ZCCHC14: variants seen among roughly 807,000 people sequenced by gnomAD.
ZCCHC14 encodes the protein zinc finger CCHC-type containing 14, also known as zinc finger CCHC domain-containing protein 14.
In ZCCHC14, 16 loss-of-function variants were observed where a neutral mutation model predicts 85.0. The observed-to-expected ratio is 0.19, with a 90% CI of 0.13 to 0.29. The LOEUF (loss-of-function observed/expected upper bound fraction) is 0.29, where lower values mean the gene tolerates loss of function less well. Among genes scored for constraint, ZCCHC14 ranks in the 10% least tolerant of loss-of-function variants. The probability of loss-of-function intolerance (pLI) is 1.00; values close to 1 mark genes in which losing one functional copy is unlikely to be tolerated. For synonymous variants in ZCCHC14, 775 were observed against 630.7 expected, an observed-to-expected ratio of 1.23 and a Z score of -3.43; for missense variants, 1,303 against 1,443.5, an observed-to-expected ratio of 0.90 and a Z score of 1.58.
At chr16:87,481,529 G>GGGT (rs1912268448) in intron 1 of ZCCHC14, among the ~76,000 whole-genome samples, 2 of 20,558 alleles carry the variant, frequency 9.7e-5, no homozygotes, top group Admixed American at 2.9e-4. Flanking sequence ...AGAGAAACGG[G>GGGT]GGGGGGGGGG....
chr16:87,479,178 A>G (rs1279555683), intron 1 of ZCCHC14, among the ~76,000 whole-genome samples: 1 of 152,056 alleles, frequency 6.6e-6, no homozygotes, highest in Non-Finnish European at 1.5e-5. Context: ...GCACCGTGGG[A>G]GGCTGAGGCG....
chr16:87,435,870 T>C (rs1269261918), intron 2 of ZCCHC14, among the ~76,000 whole-genome samples: 1 of 152,286 alleles, frequency 6.6e-6, no homozygotes, highest in Non-Finnish European at 1.5e-5. Flanking sequence ...GCCCTGCTGA[T>C]GTTCACTTAG....
intron 2 of ZCCHC14, among the ~76,000 whole-genome samples, chr16:87,458,945 G>A (rs932931736): frequency 2.0e-5 from 3 of 152,120 alleles, no homozygotes; most frequent in African/African-American, 7.2e-5. Context: ...AACCACACAA[G>A]CATTTATTTT....
chr16:87,416,705 G>A (rs1292067651), intron 8 of ZCCHC14, among the ~76,000 whole-genome samples: 2 of 152,086 alleles, frequency 1.3e-5, no homozygotes, highest in African/African-American at 4.8e-5. Context: ...GCAGGGAGCC[G>A]AGACCATACC....
At chr16:87,473,869 G>A (rs558634272) in intron 1 of ZCCHC14, 1 of 152,090 alleles carries the variant, frequency 6.6e-6, no homozygotes, top group Non-Finnish European at 1.5e-5. Context: ...GGTCCAGAAA[G>A]TGTCAGTAAA....
At chr16:87,454,201 G>C (rs1034409223) in intron 2 of ZCCHC14, among the ~76,000 whole-genome samples, 1 of 152,208 alleles carries the variant, frequency 6.6e-6, no homozygotes, top group African/African-American at 2.4e-5. Flanking sequence ...ATGAGAACTG[G>C]AGTCTCAGAT....
intron 1 of ZCCHC14, chr16:87,473,547 T>A (rs905882661): frequency 6.6e-6 from 1 of 152,260 alleles, no homozygotes; most frequent in Non-Finnish European, 1.5e-5. Context: ...CACACAATAT[T>A]GTTATTGTGA....
At position 87,460,041 on chromosome 16, in the gene ZCCHC14, G is replaced by GCGA. The variant is rs773763402; in HGVS notation, c.658_660dup (p.Ser220dup). 7.4e-6 allele frequency: 12 copies of GCGA among 1,614,176 alleles called. No homozygotes were observed. The South Asian group carries it at 1.3e-4, about 18-fold the overall frequency. ...TGTTTTCCTAAGGGCCTCTTGGGCA[G>GCGA]CGACTCCTCCGTGGAATGTGCTGAT... On this transcript the variant is annotated inframe_insertion, in exon 2 of 13. Coordinates refer to ENST00000671377, the MANE Select transcript of ZCCHC14 (RefSeq NM_015144.3).
chr16:87,456,092 T>C (rs4843613), intron 2 of ZCCHC14, among the ~76,000 whole-genome samples: 100,236 of 152,094 alleles, frequency 0.66, 36,364 homozygotes, highest in Non-Finnish European at 0.82. Flanking sequence ...TTTTCAACTT[T>C]ACCGTGTGTT....
intron 2 of ZCCHC14, among the ~76,000 whole-genome samples, chr16:87,455,061 G>A (rs1910887285): frequency 1.3e-5 from 2 of 152,222 alleles, no homozygotes; most frequent in South Asian, 4.1e-4. Flanking sequence ...GGCCGAGGCG[G>A]GCAGATCACC....
chr16:87,490,810 C>A (rs1035213014), intron 1 of ZCCHC14, among the ~76,000 whole-genome samples: 1 of 152,234 alleles, frequency 6.6e-6, no homozygotes, highest in Non-Finnish European at 1.5e-5. Flanking sequence ...TTCATACACA[C>A]GTGTGCACAT....
intron 1 of ZCCHC14, among the ~76,000 whole-genome samples, chr16:87,487,259 C>T (rs1034193433): frequency 3.9e-5 from 6 of 152,202 alleles, no homozygotes. Context: ...CACCCCACCA[C>T]ACTCCTGCAC....
chr16:87,469,349 T>C (rs918132598), intron 1 of ZCCHC14, among the ~76,000 whole-genome samples: 2 of 152,248 alleles, frequency 1.3e-5, no homozygotes, highest in Non-Finnish European at 2.9e-5. Context: ...GAATGTCAGT[T>C]CCTAAATGCC....
In ZCCHC14 at chr16:87,411,987, G is replaced by A; in HGVS notation, c.2734C>T (p.Pro912Ser). The change falls in exon 12 of 13, where the codon CCC becomes TCC. Residue 912 changes from proline (P) to serine (S), a missense_variant. By Grantham distance (74) the Pro-to-Ser change is moderately conservative (BLOSUM62 -1). This residue lies in a region of ZCCHC14 where 797 missense variants were observed against 730.8 expected (regional missense o/e 1.09). Coordinates refer to ENST00000671377, the MANE Select transcript of ZCCHC14 (RefSeq NM_015144.3). ...HHHHHQQPPAPPQPAPPPPGC... is the reference protein window; with the variant it reads ...HHHHHQQPPASPQPAPPPPGC... Reference sequence around the variant, plus strand: ...GGCGGGGGTGGGGCGGGCTGCGGGGGTGCCGGGGGCTGCTGATGGTGGTGG... The same window carrying A: ...GGCGGGGGTGGGGCGGGCTGCGGGGATGCCGGGGGCTGCTGATGGTGGTGG... 6.2e-7 allele frequency: 1 copy of A among 1,608,952 alleles called. No individual in the cohort carries two copies. The highest frequency in any genetic ancestry group is 8.5e-7 in the Non-Finnish European group (1 of 1,179,344).
chr16:87,469,694 T>A (rs1911692704), intron 1 of ZCCHC14, among the ~76,000 whole-genome samples: 2 of 152,192 alleles, frequency 1.3e-5, no homozygotes, highest in Admixed American at 1.3e-4. Context: ...ATTAAATTGC[T>A]TCAGTGCTGT....
chr16:87,472,578 C>T (rs1273453055), intron 1 of ZCCHC14: 2 of 152,354 alleles, frequency 1.3e-5, no homozygotes, highest in Non-Finnish European at 2.9e-5. Context: ...CACTTAGGAG[C>T]AACAGGTGAC....
At chr16:87,464,874 C>T (rs1484149679) in intron 1 of ZCCHC14, among the ~76,000 whole-genome samples, 6 of 152,288 alleles carry the variant, frequency 3.9e-5, no homozygotes, top group East Asian at 1.9e-4. Flanking sequence ...CAGGCTCACC[C>T]GCAGGACTCG....
At chr16:87,448,844 T>G (rs889243832) in intron 2 of ZCCHC14, among the ~76,000 whole-genome samples, 1 of 152,200 alleles carries the variant, frequency 6.6e-6, no homozygotes, top group Non-Finnish European at 1.5e-5. Context: ...TCTGCCACAG[T>G]TCTTTACCCC....
intron 4 of ZCCHC14, among the ~76,000 whole-genome samples, chr16:87,422,277 G>A (rs973930801): frequency 6.6e-6 from 1 of 152,084 alleles, no homozygotes; most frequent in Non-Finnish European, 1.5e-5. Context: ...GTGGAAACGG[G>A]CACAGGAACC....
Sources: gnomAD v4.1 joint callset for allele counts (sites outside exome capture counted in the v4.1 genomes callset) on GRCh38, gnomAD v4.1.1 for gene constraint, gnomAD v4.1.1 regional missense constraint, MANE v1.5 for transcripts, NCBI Gene and HGNC (gene_info 2026-07-23, HGNC 2026-07-21) for gene names.